Variants in CRADD observed in about 807,000 individuals in gnomAD.
CRADD encodes CARD and death domain containing adaptor protein, also known as death domain-containing protein CRADD.
A neutral mutation model predicts 15.5 loss-of-function variants in CRADD; 9 were observed. The observed-to-expected ratio is 0.58, with a 90% CI of 0.35 to 1.01. The LOEUF is 1.01. Among genes scored for constraint, CRADD ranks in the 50% least tolerant of loss-of-function variants. The probability of loss-of-function intolerance (pLI) is 0.02; values close to 1 mark genes in which losing one functional copy is unlikely to be tolerated. For missense variants in CRADD, 227 were observed against 250.3 expected (o/e 0.91, Z 0.63); for synonymous variants, 118 against 107.6 (o/e 1.10, Z -0.60).
At chr12:93,849,693 A>G (rs1958184448) in intron 2 of CRADD, among the ~76,000 whole-genome samples, 1 of 151,318 alleles carries the variant, frequency 6.6e-6, no homozygotes. Context: ...GTGAGCCAAC[A>G]TCATGCCATT....
At chr12:93,825,737 C>T (rs1340215618) in intron 2 of CRADD, among the ~76,000 whole-genome samples, 1 of 152,132 alleles carries the variant, frequency 6.6e-6, no homozygotes, top group Non-Finnish European at 1.5e-5. Context: ...TAACCTCTTT[C>T]CGGCAAAAGG....
intron 2 of CRADD, among the ~76,000 whole-genome samples, chr12:93,870,062 C>T (rs905105361): frequency 1.3e-5 from 2 of 151,780 alleles, no homozygotes; most frequent in Non-Finnish European, 2.9e-5. Context: ...ACATTTAATA[C>T]GTGGAAATAA....
intron 2 of CRADD, among the ~76,000 whole-genome samples, chr12:93,874,302 A>C (rs1565945739): frequency 6.6e-6 from 1 of 151,686 alleles, no homozygotes; most frequent in Non-Finnish European, 1.5e-5. Context: ...TCCTTTTTCA[A>C]TTCTGATTTT....
chr12:93,843,945 C>G lies in CRADD; in HGVS notation c.299-6025C>G, dbSNP rs546793616. ...CCATCTTGGCCAGGCTGGTCTGGAA[C>G]TCCTGACCTCAAGTGATTCACCCAC... On this transcript the variant is annotated intron_variant, in intron 2 of 2. Transcript: ENST00000332896. Among the ~76,000 whole-genome samples, 37 of 152,244 alleles carry G rather than the reference C, an allele frequency of 2.4e-4. No individual in the cohort carries two copies. In the South Asian group the frequency reaches 3.9e-3, roughly 16 times the overall value.
intron 2 of CRADD, among the ~76,000 whole-genome samples, chr12:93,784,095 G>T (rs2136975906): frequency 1.3e-5 from 2 of 152,184 alleles, no homozygotes; most frequent in East Asian, 3.9e-4. Context: ...GTACTTCATG[G>T]CTGGTCCCAC....
chr12:93,887,554 G>A (rs1425642381), intron 2 of CRADD, among the ~76,000 whole-genome samples: 1 of 152,240 alleles, frequency 6.6e-6, no homozygotes, highest in Non-Finnish European at 1.5e-5. Context: ...AGGAAGCAGA[G>A]AAGTTAGCAA....
chr12:93,805,985 T>A (rs1003435201), intron 2 of CRADD, among the ~76,000 whole-genome samples: 2 of 152,084 alleles, frequency 1.3e-5, no homozygotes, highest in African/African-American at 4.8e-5. Context: ...AAGAACAATA[T>A]GTGTGTGAGT....
intron 2 of CRADD, among the ~76,000 whole-genome samples, chr12:93,831,908 TG>T (rs1957908858): frequency 6.6e-6 from 1 of 152,246 alleles, no homozygotes; most frequent in Admixed American, 6.5e-5. Flanking sequence ...CAAACTTGTG[TG>T]TTAATGGAAC....
chr12:93,783,759 TA>T lies in CRADD; in HGVS notation c.299-66207del, dbSNP rs372875574. On this transcript the variant is annotated intron_variant, in intron 2 of 2. Coordinates refer to ENST00000332896, the MANE Select transcript of CRADD (RefSeq NM_003805.5). ...GCTAATTTCATTTTTCATGTGTTTG[TA>T]AAATATTTTTAGGACTATCACAAGA... Among the ~76,000 whole-genome samples the T allele has an allele frequency of 2.8e-3, 419 of 152,318 alleles. 2 individuals are homozygous for T. Among genetic ancestry groups the T allele is most frequent in the African/African-American group, 9.5e-3 (395 of 41,576 alleles).
intron 2 of CRADD, among the ~76,000 whole-genome samples, chr12:93,826,552 G>C (rs1000895399): frequency 3.9e-5 from 6 of 152,212 alleles, no homozygotes; most frequent in Non-Finnish European, 8.8e-5. Flanking sequence ...CTAGGGGTGT[G>C]TTTCTGTTGC....
chr12:93,761,750 G>T (rs1373905736), intron 2 of CRADD, among the ~76,000 whole-genome samples: 1 of 152,096 alleles, frequency 6.6e-6, no homozygotes, highest in East Asian at 1.9e-4. Flanking sequence ...TGACCAAATT[G>T]GTATTATGAG....
intron 2 of CRADD, chr12:93,836,191 A>G (rs1359894750): frequency 6.6e-6 from 1 of 152,188 alleles, no homozygotes; most frequent in Non-Finnish European, 1.5e-5. Flanking sequence ...TTAGAGGAGA[A>G]AAAAATGTAA....
At chr12:93,875,634 A>G (rs1958453053) in intron 2 of CRADD, among the ~76,000 whole-genome samples, 1 of 152,000 alleles carries the variant, frequency 6.6e-6, no homozygotes, top group South Asian at 2.1e-4. Flanking sequence ...CCATTATTTT[A>G]ACCTGATACC....
intron 1 of CRADD, chr12:93,677,727 G>C (rs1311371678): frequency 1.3e-5 from 2 of 152,300 alleles, no homozygotes; most frequent in Admixed American, 1.3e-4. Flanking sequence ...AAGGGTTTCA[G>C]CGGCCGAAGC....
intron 2 of CRADD, among the ~76,000 whole-genome samples, chr12:93,828,341 A>T (rs1003707746): frequency 3.3e-5 from 5 of 152,204 alleles, no homozygotes; most frequent in African/African-American, 1.2e-4. Context: ...TTATTCTTTT[A>T]TGGATCATGC....
chr12:93,864,792 A>G (rs1958350096), intron 2 of CRADD, among the ~76,000 whole-genome samples: 1 of 152,224 alleles, frequency 6.6e-6, no homozygotes, highest in Non-Finnish European at 1.5e-5. Flanking sequence ...TGCTACTGTC[A>G]TTGAGTCAAA....
chr12:93,782,093 C>T (rs12318402), intron 2 of CRADD, among the ~76,000 whole-genome samples: 1 of 151,840 alleles, frequency 6.6e-6, no homozygotes, highest in African/African-American at 2.4e-5. Flanking sequence ...GGAACCAACC[C>T]AAATATCCAA....
intron 2 of CRADD, among the ~76,000 whole-genome samples, chr12:93,879,478 A>G (rs1958479908): frequency 6.6e-6 from 1 of 152,114 alleles, no homozygotes; most frequent in South Asian, 2.1e-4. Context: ...TTCCTCACCA[A>G]TTGTTTAGGT....
chr12:93,808,299 G>A (rs975288701), intron 2 of CRADD, among the ~76,000 whole-genome samples: 2 of 152,142 alleles, frequency 1.3e-5, no homozygotes, highest in African/African-American at 4.8e-5. Flanking sequence ...CACAATCATG[G>A]CAGAAGGCGA....
Sources: gnomAD v4.1 joint callset for allele counts (sites outside exome capture counted in the v4.1 genomes callset) on GRCh38, gnomAD v4.1.1 for gene constraint, MANE v1.5 for transcripts, NCBI Gene and HGNC (gene_info 2026-07-23, HGNC 2026-07-21) for gene names.